ATAD1: variants seen among roughly 807,000 people sequenced by gnomAD.
ATAD1 encodes the protein outer mitochondrial transmembrane helix translocase.
Under a neutral mutation model 42.7 loss-of-function variants are expected in ATAD1, and 18 were observed. The observed-to-expected ratio is 0.42, with a 90% confidence interval of 0.29 to 0.63. The LOEUF (loss-of-function observed/expected upper bound fraction) is 0.63, where lower values mean the gene tolerates loss of function less well. ATAD1 is among the 20% of genes least tolerant of loss of function. ATAD1 has a pLI of 0.19. For synonymous variants in ATAD1, 132 were observed against 143.1 expected (o/e 0.92, Z 0.55); for missense variants, 294 against 440.4 (o/e 0.67, Z 2.98).
At chr10:87,791,533 G>C (rs184294482) in intron 3 of ATAD1, among the ~76,000 whole-genome samples, 3 of 152,118 alleles carry the variant, frequency 2.0e-5, no homozygotes, top group African/African-American at 7.2e-5. Context: ...AATTAATATA[G>C]GCAGGGTTCC....
chr10:87,771,106 A>T, intron 6 of ATAD1, 65 bp from the exon 7 acceptor site: 1 of 1,254,156 alleles, frequency 8.0e-7, no homozygotes. Context: ...GAATGTTATT[A>T]CTAGGGCTTA....
intron 2 of ATAD1, among the ~76,000 whole-genome samples, chr10:87,800,877 C>T (rs543164475): frequency 1.3e-5 from 2 of 152,008 alleles, no homozygotes; most frequent in Non-Finnish European, 2.9e-5. Flanking sequence ...ATAGAAGAGG[C>T]GGGCATGTGA....
chr10:87,781,894 C>T (rs938506186), intron 5 of ATAD1, among the ~76,000 whole-genome samples: 2 of 152,102 alleles, frequency 1.3e-5, no homozygotes, highest in Non-Finnish European at 2.9e-5. Context: ...AACCTCCTGC[C>T]TTGGCCTCTC....
chr10:87,826,539 G>C (rs772969514), intron 1 of ATAD1, among the ~76,000 whole-genome samples: 87 of 152,308 alleles, frequency 5.7e-4, no homozygotes, highest in Non-Finnish European at 9.4e-4. Context: ...CTGAAGAAAT[G>C]CTAATAATTC....
chr10:87,767,257 C>T (rs1253645982), intron 8 of ATAD1, among the ~76,000 whole-genome samples: 2 of 152,118 alleles, frequency 1.3e-5, no homozygotes, highest in Non-Finnish European at 2.9e-5. Flanking sequence ...TGTATCAGTG[C>T]CTCAGCCTTT....
chr10:87,816,565 T>G (rs1029813304), intron 1 of ATAD1, among the ~76,000 whole-genome samples: 2 of 152,094 alleles, frequency 1.3e-5, no homozygotes, highest in African/African-American at 4.8e-5. Context: ...GGCTATTATA[T>G]TAATTATAAA....
upstream of ATAD1, among the ~76,000 whole-genome samples, chr10:87,821,344 A>G (rs1857627646): frequency 6.6e-6 from 1 of 152,142 alleles, no homozygotes; most frequent in Non-Finnish European, 1.5e-5. Flanking sequence ...CCTGGCCAAC[A>G]TGGTGAAACC....
Position 87,754,565 on chromosome 10 carries a change from T to C in ATAD1, c.*122A>G, listed in dbSNP as rs1589451105. ...TATCTCAATAACTTAGAATTCAGAG[T>C]ATAAAACCATAAACACTGAGCTCCC... On this transcript the variant is annotated 3_prime_UTR_variant, in exon 10 of 10. Coordinates refer to ENST00000680024, the MANE Select transcript of ATAD1 (RefSeq NM_001321967.2). The C allele has an allele frequency of 8.5e-7, 1 of 1,179,598 alleles. No individual in the cohort carries two copies. Among genetic ancestry groups the C allele is most frequent in the Non-Finnish European group, 1.2e-6 (1 of 863,384 alleles). The allele number at this position is 1,179,598 out of a possible 1,614,324, so 73.1% of individuals were successfully genotyped here.
chr10:87,828,863 A>G (rs1459953666), intron 1 of ATAD1, among the ~76,000 whole-genome samples: 2 of 152,242 alleles, frequency 1.3e-5, no homozygotes, highest in African/African-American at 2.4e-5. Context: ...CCTGTGCTTT[A>G]TAAATGGAAC....
At chr10:87,813,118 G>A (rs1857259739) in intron 2 of ATAD1, among the ~76,000 whole-genome samples, 5 of 152,036 alleles carry the variant, frequency 3.3e-5, no homozygotes. Flanking sequence ...GTAGTACTTA[G>A]CATCTATATT....
chr10:87,823,921 C>T (rs1021514242), intron 1 of ATAD1, among the ~76,000 whole-genome samples: 1 of 152,134 alleles, frequency 6.6e-6, no homozygotes, highest in Non-Finnish European at 1.5e-5. Flanking sequence ...TAACTGATAA[C>T]CTTGAAACAT....
intron 2 of ATAD1, among the ~76,000 whole-genome samples, chr10:87,813,360 T>C (rs1857270008): frequency 6.6e-6 from 1 of 151,884 alleles, no homozygotes; most frequent in Non-Finnish European, 1.5e-5. Context: ...TTCTTTTTTT[T>C]TTTTTTTAAA....
chr10:87,778,755 G>T lies in ATAD1; in HGVS notation c.584-2328C>A, dbSNP rs376312568. ...ATCTGCAAACACAAACAAAAAATTG[G>T]ATAGACTTTTTTTTTATAAAAGTAA... On this transcript the variant is annotated intron_variant, in intron 5 of 9. Coordinates refer to ENST00000680024, the MANE Select transcript of ATAD1 (RefSeq NM_001321967.2). Among the ~76,000 whole-genome samples, 2 of 152,142 alleles carry T rather than the reference G, an allele frequency of 1.3e-5. 1 individual carries two copies. Among genetic ancestry groups the T allele is most frequent in the African/African-American group, 4.8e-5 (2 of 41,522 alleles).
chr10:87,789,731 A>G (rs76413450), intron 4 of ATAD1, among the ~76,000 whole-genome samples: 4,222 of 152,194 alleles, frequency 0.028, 194 homozygotes, highest in African/African-American at 0.097. Context: ...CAAAAAGAAA[A>G]GAAAAGAGAG....
At chr10:87,820,139 A>G (rs536248884), upstream of ATAD1, among the ~76,000 whole-genome samples, 7 of 152,312 alleles carry the variant, frequency 4.6e-5, no homozygotes, top group South Asian at 1.2e-3. Flanking sequence ...ATCAGTGCTC[A>G]GCAGACTTTC....
chr10:87,833,918 G>A (rs780165745), intron 1 of ATAD1, among the ~76,000 whole-genome samples: 3 of 152,012 alleles, frequency 2.0e-5, no homozygotes, highest in Non-Finnish European at 1.5e-5. Context: ...GTTTCACCAT[G>A]TTTGCCAGGC....
chr10:87,804,839 T>C lies in ATAD1; in HGVS notation c.162+9599A>G, dbSNP rs149960619. ...TCAAAACTCTTCTACTACATCTAAATATGATCCAAGCAGCAGTATGTGCCC... is the reference window on the plus strand; with the variant it reads ...TCAAAACTCTTCTACTACATCTAAACATGATCCAAGCAGCAGTATGTGCCC... On this transcript the variant is annotated intron_variant, in intron 2 of 9. Coordinates refer to ENST00000680024, the MANE Select transcript of ATAD1 (RefSeq NM_001321967.2). Among the ~76,000 whole-genome samples the C allele has an allele frequency of 1.8e-4, 28 of 152,226 alleles. No individual in the cohort carries two copies. The East Asian group carries it at 5.0e-3, about 27-fold the overall frequency.
At chr10:87,768,942 G>A (rs1475364395) in intron 7 of ATAD1, among the ~76,000 whole-genome samples, 4 of 152,228 alleles carry the variant, frequency 2.6e-5, no homozygotes, top group African/African-American at 7.2e-5. Flanking sequence ...TTAGCCAAAC[G>A]TGGTGGTGCA....
chr10:87,820,121 CAG>C (rs1294831702), upstream of ATAD1, among the ~76,000 whole-genome samples: 2 of 152,162 alleles, frequency 1.3e-5, no homozygotes, highest in East Asian at 3.9e-4. Flanking sequence ...CAACAAAAAA[CAG>C]AGGCTATCAG....
Sources: allele counts gnomAD v4.1 joint callset (sites outside exome capture counted in the v4.1 genomes callset), GRCh38; gene constraint gnomAD v4.1.1; transcripts MANE v1.5; gene names NCBI Gene and HGNC (gene_info 2026-07-23, HGNC 2026-07-21).